The following TBC1D2B variants were observed in gnomAD, a reference collection of about 807,000 sequenced individuals.
The protein encoded by TBC1D2B is TBC1 domain family member 2B.
In TBC1D2B, 64 loss-of-function variants were observed where a neutral mutation model predicts 100.8. The observed-to-expected ratio is 0.64, with a 90% CI of 0.52 to 0.78. The LOEUF (loss-of-function observed/expected upper bound fraction) is 0.78, where lower values mean the gene tolerates loss of function less well. Among genes scored for constraint, TBC1D2B ranks in the 30% least tolerant of loss-of-function variants. TBC1D2B has a pLI of 0.00. For missense variants in TBC1D2B, 1,052 were observed against 1,218.4 expected (o/e 0.86, Z 2.03); for synonymous variants, 480 against 479.7 (o/e 1.00, Z -0.01).
At chr15:78,076,725 T>C (rs565839432) in intron 1 of TBC1D2B, among the ~76,000 whole-genome samples, 2 of 152,220 alleles carry the variant, frequency 1.3e-5, no homozygotes, top group Non-Finnish European at 2.9e-5. Context: ...CACTCCAGCC[T>C]GGACAACAGA....
intron 2 of TBC1D2B, among the ~76,000 whole-genome samples, chr15:78,051,402 CCTGT>C (rs1436761080): frequency 5.3e-5 from 8 of 152,160 alleles, no homozygotes; most frequent in Non-Finnish European, 1.2e-4. Context: ...GTTTCCTAAC[CCTGT>C]ACTACAGGAT....
At chr15:78,052,925 A>C (rs1342861977) in intron 2 of TBC1D2B, among the ~76,000 whole-genome samples, 2 of 152,134 alleles carry the variant, frequency 1.3e-5, no homozygotes, top group East Asian at 3.9e-4. Flanking sequence ...TGATCTCAGA[A>C]CCTGGAATAG....
At chr15:78,037,559 G>A (rs1455413773) in intron 3 of TBC1D2B, among the ~76,000 whole-genome samples, 2 of 152,064 alleles carry the variant, frequency 1.3e-5, no homozygotes, top group African/African-American at 4.8e-5. Context: ...AGCTGACAGC[G>A]GGGAGGGACA....
At chr15:78,076,813 T>C (rs1264554108) in intron 1 of TBC1D2B, among the ~76,000 whole-genome samples, 1 of 152,166 alleles carries the variant, frequency 6.6e-6, no homozygotes, top group African/African-American at 2.4e-5. Flanking sequence ...TAAAGTATAA[T>C]TCATTTAATC....
intron 8 of TBC1D2B, among the ~76,000 whole-genome samples, chr15:78,014,998 G>A (rs1389779650): frequency 2.0e-5 from 3 of 152,138 alleles, no homozygotes; most frequent in Non-Finnish European, 4.4e-5. Flanking sequence ...TCAGGAGATC[G>A]AGACCATCCT....
rs1383399780 is a variant in TBC1D2B at position 77,996,667 on chromosome 15, A to G, written c.*1493T>C. The G allele has an allele frequency of 2.0e-5, 3 of 152,280 alleles. No individual in the cohort carries two copies. Among genetic ancestry groups the G allele is most frequent in the Non-Finnish European group, 1.5e-5 (1 of 68,050 alleles). The allele number at this position is 152,280 out of a possible 1,614,324, so 9.4% of individuals were successfully genotyped here. A position where few individuals can be genotyped will look rare whatever the true frequency, so the allele number is the denominator to read the frequency against. ...CCGGAGCTCACTCTAGCATGTGCTG[A>G]AACACCAACTTTGCCGTGGCATTGC... On this transcript the variant is annotated 3_prime_UTR_variant, in exon 13 of 13. Coordinates refer to ENST00000300584, the MANE Select transcript of TBC1D2B (RefSeq NM_144572.2).
chr15:78,042,506 T>C (rs2073111393), intron 3 of TBC1D2B, among the ~76,000 whole-genome samples: 1 of 152,156 alleles, frequency 6.6e-6, no homozygotes, highest in South Asian at 2.1e-4. Context: ...TCTGACACTT[T>C]TAGGAGCACA....
chr15:78,036,133 A>AGTC (rs2072940634), intron 3 of TBC1D2B, among the ~76,000 whole-genome samples: 1 of 152,258 alleles, frequency 6.6e-6, no homozygotes, highest in Non-Finnish European at 1.5e-5. Flanking sequence ...CACAGAGCGA[A>AGTC]GTTCAGGGTG....
intron 8 of TBC1D2B, 113 bp downstream of exon 8, chr15:78,016,433 A>C: frequency 1.0e-6 from 1 of 968,640 alleles, no homozygotes; most frequent in Non-Finnish European, 1.5e-6. Context: ...ATTTGTCATG[A>C]GCACCAAATG....
At chr15:78,069,370 CT>C (rs1190057109) in intron 1 of TBC1D2B, among the ~76,000 whole-genome samples, 1 of 152,240 alleles carries the variant, frequency 6.6e-6, no homozygotes, top group Non-Finnish European at 1.5e-5. Context: ...ACACCCACCA[CT>C]CAGAAACAAA....
At chr15:78,073,562 T>G (rs533270423) in intron 1 of TBC1D2B, among the ~76,000 whole-genome samples, 4 of 152,322 alleles carry the variant, frequency 2.6e-5, no homozygotes, top group African/African-American at 7.2e-5. Context: ...GGGAATCAGT[T>G]CTTGCATTTG....
chr15:78,019,523 T>C (rs1054441783), intron 6 of TBC1D2B, among the ~76,000 whole-genome samples: 1 of 152,064 alleles, frequency 6.6e-6, no homozygotes, highest in Non-Finnish European at 1.5e-5. Context: ...CTTGAAATGT[T>C]GAATGTTGGA....
At chr15:78,062,949 T>C (rs998012790) in intron 1 of TBC1D2B, among the ~76,000 whole-genome samples, 9 of 152,292 alleles carry the variant, frequency 5.9e-5, no homozygotes, top group African/African-American at 1.9e-4. Flanking sequence ...TTAGGTATGT[T>C]ACATAAATTG....
At position 78,024,559 on chromosome 15, in the gene TBC1D2B, T is replaced by G. The variant is rs746663244; in HGVS notation, c.1087-20A>C. The G allele has an allele frequency of 1.3e-5, 21 of 1,593,204 alleles. No individual in the cohort carries two copies. Among genetic ancestry groups the G allele is most frequent in the Non-Finnish European group, 1.8e-5 (21 of 1,168,754 alleles). The stretch of plus-strand genomic sequence containing the variant: ...AAGCTCCTGGGAGCCAAAAGGAGAA[T>G]GGAGTGAAGGGTGAAAAGAGCAAGG... On this transcript the variant is annotated intron_variant, in intron 5 of 12. Coordinates refer to ENST00000300584, the MANE Select transcript of TBC1D2B (RefSeq NM_144572.2).
chr15:78,007,646 C>T (rs938095679), intron 10 of TBC1D2B, among the ~76,000 whole-genome samples: 1 of 152,200 alleles, frequency 6.6e-6, no homozygotes, highest in African/African-American at 2.4e-5. Context: ...ATATGTGTCA[C>T]AGAGTGAATG....
In TBC1D2B at chr15:77,997,948, C is replaced by T. The variant is rs940747981; in HGVS notation, c.*212G>A. Reference sequence around the variant, plus strand: ...AAAGCGTGACTGAGATACGTGTAACCAAAAGCATGGCACGGAAATGGTTGT... The same window carrying T: ...AAAGCGTGACTGAGATACGTGTAACTAAAAGCATGGCACGGAAATGGTTGT... On this transcript the variant is annotated 3_prime_UTR_variant, in exon 13 of 13. Coordinates refer to ENST00000300584, the MANE Select transcript of TBC1D2B (RefSeq NM_144572.2). 1 of 415,146 alleles carries T rather than the reference C, an allele frequency of 2.4e-6. No individual in the cohort carries two copies. Among genetic ancestry groups the T allele is most frequent in the Non-Finnish European group, 4.2e-6 (1 of 237,712 alleles). The allele number at this position is 415,146 out of a possible 1,614,324, so 25.7% of individuals were successfully genotyped here.
chr15:78,005,893 A>T (rs2072053723), intron 10 of TBC1D2B, among the ~76,000 whole-genome samples: 1 of 152,248 alleles, frequency 6.6e-6, no homozygotes, highest in Admixed American at 6.5e-5. Flanking sequence ...ATTTTATCTT[A>T]AATCCAGACA....
chr15:78,077,165 G>A (rs1303514622), intron 1 of TBC1D2B, 128 bp downstream of exon 1: 2 of 1,270,216 alleles, frequency 1.6e-6, no homozygotes, highest in African/African-American at 1.6e-5. Context: ...GAGAAGCAGG[G>A]AAAGGCAGGC....
Position 78,013,170 on chromosome 15 carries a change from A to C in TBC1D2B, c.1923T>G (p.Phe641Leu). Residue 641 changes from phenylalanine to leucine, a missense_variant, in exon 9 of 13, where the codon TTT (phenylalanine) becomes TTG (leucine). Around this residue, in one of 4 missense-constraint regions of TBC1D2B, gnomAD observed 373 missense variants for 464.9 expected, o/e 0.80. Transcript: ENST00000300584. ...VSTGVKWENY[F>L]ASTVNREMMC... ...TCATCTCCCTGTTCACTGTACTTGC[A>C]AAATAGTTTTCCCACTTGACCCCAG... 6.2e-7 allele frequency: 1 copy of C among 1,613,976 alleles called. No individual in the cohort carries two copies. Among genetic ancestry groups the C allele is most frequent in the Non-Finnish European group, 8.5e-7 (1 of 1,179,892 alleles).
Sources: gnomAD v4.1 joint callset for allele counts (sites outside exome capture counted in the v4.1 genomes callset) on GRCh38, gnomAD v4.1.1 for gene constraint, gnomAD v4.1.1 regional missense constraint, MANE v1.5 for transcripts, NCBI Gene and HGNC (gene_info 2026-07-23, HGNC 2026-07-21) for gene names.